Variants in RGS7BP observed in about 807,000 individuals in gnomAD.
RGS7BP encodes the protein regulator of G protein signaling 7-binding protein.
RGS7BP carries 9 observed loss-of-function variants against 31.3 expected under a neutral mutation model. The observed-to-expected ratio is 0.29, with a 90% CI of 0.17 to 0.50. RGS7BP has a LOEUF of 0.50. RGS7BP is among the 20% of genes least tolerant of loss of function. The pLI is 0.98. For missense variants in RGS7BP, 274 were observed against 322.0 expected, an observed-to-expected ratio of 0.85 and a Z score of 1.14; for synonymous variants, 115 against 120.1, an observed-to-expected ratio of 0.96 and a Z score of 0.28.
At chr5:64,567,083 T>C (rs1189949139) in intron 2 of RGS7BP, among the ~76,000 whole-genome samples, 1 of 151,902 alleles carries the variant, frequency 6.6e-6, no homozygotes, top group Non-Finnish European at 1.5e-5. Flanking sequence ...TGGGTGGAGA[T>C]TTGAGATGCT....
At chr5:64,517,026 A>G (rs562786021) in intron 2 of RGS7BP, among the ~76,000 whole-genome samples, 52 of 152,194 alleles carry the variant, frequency 3.4e-4, no homozygotes, top group African/African-American at 1.3e-3. Context: ...GAAAAAAAAA[A>G]AAAAAAAAAG....
intron 2 of RGS7BP, among the ~76,000 whole-genome samples, chr5:64,548,925 G>T (rs1741725262): frequency 6.6e-6 from 1 of 150,758 alleles, no homozygotes; most frequent in African/African-American, 2.5e-5. Flanking sequence ...CACATTGTGG[G>T]TTAGGACTTC....
At chr5:64,573,152 CA>C (rs1742339137) in intron 2 of RGS7BP, among the ~76,000 whole-genome samples, 1 of 151,726 alleles carries the variant, frequency 6.6e-6, no homozygotes, top group Non-Finnish European at 1.5e-5. Context: ...ATGAACTCAT[CA>C]TTTTTTATGG....
At chr5:64,552,407 T>C (rs1428050715) in intron 2 of RGS7BP, among the ~76,000 whole-genome samples, 1 of 152,232 alleles carries the variant, frequency 6.6e-6, no homozygotes, top group Non-Finnish European at 1.5e-5. Flanking sequence ...TGACATTTTC[T>C]TAATTATTTA....
At chr5:64,515,360 G>A (rs1002168059) in intron 2 of RGS7BP, among the ~76,000 whole-genome samples, 5 of 152,118 alleles carry the variant, frequency 3.3e-5, no homozygotes, top group Non-Finnish European at 7.3e-5. Flanking sequence ...GTGAGGCATA[G>A]GTGTTCATTA....
intron 2 of RGS7BP, among the ~76,000 whole-genome samples, chr5:64,542,396 C>T (rs2111814117): frequency 6.6e-6 from 1 of 152,264 alleles, no homozygotes; most frequent in East Asian, 1.9e-4. Flanking sequence ...TGGGGGTTCC[C>T]AGTTTTATAT....
rs559863359 is a variant in RGS7BP at position 64,537,330 on chromosome 5, A to C, written c.332+29453A>C. On this transcript the variant is annotated intron_variant, in intron 2 of 5. Transcript: ENST00000334025. Reference sequence around the variant, plus strand: ...AAAGTTTACAAATTTGTGTTGGGCCACATTCAAAGCCTTCCTGGGTCACTT... The same window carrying C: ...AAAGTTTACAAATTTGTGTTGGGCCCCATTCAAAGCCTTCCTGGGTCACTT... 3.9e-5 allele frequency among the ~76,000 whole-genome samples: 6 copies of C among 152,346 alleles called. No individual in the cohort carries two copies. In the South Asian group the frequency reaches 1.2e-3, roughly 32 times the overall value.
intron 2 of RGS7BP, among the ~76,000 whole-genome samples, chr5:64,570,617 G>A (rs1432063152): frequency 6.6e-6 from 1 of 152,062 alleles, no homozygotes; most frequent in Non-Finnish European, 1.5e-5. Flanking sequence ...GACAGATGCA[G>A]GGCCAAGACA....
At chr5:64,601,323 C>A in intron 5 of RGS7BP, 3 of 297,176 alleles carry the variant, frequency 1.0e-5, no homozygotes, top group Non-Finnish European at 1.5e-5. Context: ...CAGGTTCTAA[C>A]TTGGCCGTCA....
chr5:64,563,920 T>A (rs1742111042), intron 2 of RGS7BP, among the ~76,000 whole-genome samples: 1 of 152,154 alleles, frequency 6.6e-6, no homozygotes, highest in African/African-American at 2.4e-5. Flanking sequence ...TTTCTGCACT[T>A]CTTTTATTTG....
intron 2 of RGS7BP, among the ~76,000 whole-genome samples, chr5:64,566,306 G>A (rs995998377): frequency 5.3e-5 from 8 of 152,068 alleles, no homozygotes; most frequent in Non-Finnish European, 1.0e-4. Flanking sequence ...CACACAGCAA[G>A]GGAAATGCAG....
chr5:64,591,145 A>G (rs1580461012), intron 3 of RGS7BP, among the ~76,000 whole-genome samples: 1 of 152,256 alleles, frequency 6.6e-6, no homozygotes, highest in East Asian at 1.9e-4. Flanking sequence ...CAGTATATAC[A>G]GCAAATGATC....
chr5:64,577,388 G>A (rs1742464478), intron 3 of RGS7BP, among the ~76,000 whole-genome samples: 1 of 152,098 alleles, frequency 6.6e-6, no homozygotes, highest in Admixed American at 6.6e-5. Context: ...CTTGCAGTGA[G>A]CCAAGATCCG....
chr5:64,527,057 A>C (rs1438917817), intron 2 of RGS7BP, among the ~76,000 whole-genome samples: 1 of 152,206 alleles, frequency 6.6e-6, no homozygotes, highest in Non-Finnish European at 1.5e-5. Flanking sequence ...TACCCCACGA[A>C]AATGGACCAA....
At chr5:64,556,226 C>T (rs1741919179) in intron 2 of RGS7BP, among the ~76,000 whole-genome samples, 1 of 151,884 alleles carries the variant, frequency 6.6e-6, no homozygotes, top group Non-Finnish European at 1.5e-5. Context: ...ATTAAATTTG[C>T]ACTTTCCTGA....
intron 2 of RGS7BP, among the ~76,000 whole-genome samples, chr5:64,559,029 T>C (rs1741989832): frequency 6.6e-6 from 1 of 152,176 alleles, no homozygotes; most frequent in Admixed American, 6.5e-5. Flanking sequence ...GTAATTCTAG[T>C]TTTGCCCTGA....
chr5:64,588,266 C>CA, intron 3 of RGS7BP, among the ~76,000 whole-genome samples: 1 of 152,304 alleles, frequency 6.6e-6, no homozygotes, highest in East Asian at 1.9e-4. Flanking sequence ...GCACATCTTG[C>CA]AAAATGGGGC....
chr5:64,541,235 T>C (rs1026761798), intron 2 of RGS7BP, among the ~76,000 whole-genome samples: 6 of 152,058 alleles, frequency 3.9e-5, no homozygotes, highest in African/African-American at 1.2e-4. Context: ...AGGTCCCAGA[T>C]GCTCTTCAAC....
intron 2 of RGS7BP, among the ~76,000 whole-genome samples, chr5:64,547,546 A>C (rs142176085): frequency 6.6e-6 from 1 of 152,362 alleles, no homozygotes; most frequent in East Asian, 1.9e-4. Flanking sequence ...CCAGTAAAAC[A>C]AACCTAATAT....
Sources: gnomAD v4.1 joint callset for allele counts (sites outside exome capture counted in the v4.1 genomes callset) on GRCh38, gnomAD v4.1.1 for gene constraint, MANE v1.5 for transcripts, NCBI Gene and HGNC (gene_info 2026-07-23, HGNC 2026-07-21) for gene names.